The following MYO15B variants were observed in gnomAD, a reference collection of about 807,000 sequenced individuals.
MYO15B encodes the protein myosin XVB pseudogene.
MYO15B carries 207 observed loss-of-function variants against 119.3 expected under a neutral mutation model. That is an observed-to-expected ratio of 1.73 (90% CI 1.55 to 1.95). The LOEUF is 1.95. Among genes scored for constraint, MYO15B ranks in the 30% most tolerant of loss-of-function variants. The probability of loss-of-function intolerance (pLI) is 0.00; values close to 1 mark genes in which losing one functional copy is unlikely to be tolerated. For missense variants in MYO15B, 2,264 were observed against 1,203.1 expected (o/e 1.88, Z -13.04); for synonymous variants, 966 against 498.9 (o/e 1.94, Z -12.48).
At chr17:75,596,778 G>T in exon 14 of MYO15B, 1 of 699,328 alleles carries the variant, frequency 1.4e-6, no homozygotes, top group South Asian at 1.5e-5. Flanking sequence ...GAGGAGTGTC[G>T]GCGGGAGTTG....
exon 55 of MYO15B, chr17:75,624,005 C>A (rs571805284): frequency 1.6e-5 from 11 of 702,878 alleles, no homozygotes; most frequent in Non-Finnish European, 2.9e-5. Flanking sequence ...TTCTTCCCCC[C>A]GTCGACCAGG....
intron 19 of MYO15B, among the ~76,000 whole-genome samples, 184 bp downstream of exon 19, chr17:75,603,496 CTCT>C (rs1273566694): frequency 6.6e-6 from 1 of 152,244 alleles, no homozygotes; most frequent in African/African-American, 2.4e-5. Flanking sequence ...CCATCTCACT[CTCT>C]TCTACCATTC....
exon 23 of MYO15B, chr17:75,610,912 C>A (rs2057985348): frequency 1.4e-6 from 1 of 702,934 alleles, no homozygotes; most frequent in Admixed American, 2.0e-5. Context: ...TGGGCGTTGG[C>A]AGGGCTGGCA....
intron 53 of MYO15B, among the ~76,000 whole-genome samples, chr17:75,623,223 T>C (rs1344219946): frequency 1.3e-5 from 2 of 150,670 alleles, no homozygotes; most frequent in East Asian, 2.0e-4. Context: ...ACTCGGAAGG[T>C]TGAGGCAGGA....
At chr17:75,597,221 G>C (rs1200431231) in intron 14 of MYO15B, among the ~76,000 whole-genome samples, 3 of 152,218 alleles carry the variant, frequency 2.0e-5, no homozygotes, top group Admixed American at 2.0e-4. Flanking sequence ...GCTCATGAAG[G>C]GCTTCTGCAG....
At chr17:75,613,498 C>T in intron 28 of MYO15B, 27 bp downstream of exon 28, 1 of 666,698 alleles carries the variant, frequency 1.5e-6, no homozygotes, top group East Asian at 2.7e-5. Context: ...GCTGAGGCCT[C>T]CCAGGCCTGA....
exon 33 of MYO15B, chr17:75,615,012 A>G (rs781375065): frequency 1.4e-6 from 1 of 702,858 alleles, no homozygotes; most frequent in Non-Finnish European, 2.6e-6. Context: ...AGGGGGCGCC[A>G]TTGGGCCCAC....
At chr17:75,606,369 C>T (rs2147907902) in intron 21 of MYO15B, among the ~76,000 whole-genome samples, 2 of 151,122 alleles carry the variant, frequency 1.3e-5, no homozygotes, top group African/African-American at 4.9e-5. Flanking sequence ...GGCTGGAGTG[C>T]AGTGGCGCGA....
chr17:75,591,722 A>G lies in MYO15B; in HGVS notation c.2547+10A>G, dbSNP rs2056464955. On this transcript the variant is annotated intron_variant, in intron 5 of 63. Coordinates refer to ENST00000645453, the Ensembl canonical transcript of MYO15B. ...GAACCGAGAGTGTCAGGTGAGGGCC[A>G]GGCTGGAGGTACCTCATGGGTTGAG... 1 of 702,754 alleles carries G rather than the reference A, an allele frequency of 1.4e-6. No individual in the cohort carries two copies. The highest frequency in any genetic ancestry group is 2.6e-6 in the Non-Finnish European group (1 of 384,940). The allele number at this position is 702,754 out of a possible 1,614,324, so 43.5% of individuals were successfully genotyped here. A position where few individuals can be genotyped will look rare whatever the true frequency, so the allele number is the denominator to read the frequency against.
chr17:75,626,504 G>A, exon 64 of MYO15B: 1 of 703,106 alleles, frequency 1.4e-6, no homozygotes, highest in East Asian at 2.7e-5. Flanking sequence ...AGGCCGGGGA[G>A]AGAAGAGGAT....
chr17:75,616,240 G>T, intron 37 of MYO15B, 72 bp from the exon 38 acceptor site: 1 of 590,368 alleles, frequency 1.7e-6, no homozygotes, highest in Non-Finnish European at 3.0e-6. Flanking sequence ...GCTCCCCGGA[G>T]TTGGTGCGGC....
Position 75,624,033 on chromosome 17 carries a change from C to T in MYO15B, c.8241C>T (p.Thr2747=), listed in dbSNP as rs758961708. Residue 2747 remains threonine (T), a synonymous_variant, in exon 55 of 64, where the codon ACC becomes ACT. Transcript: ENST00000645453. ...CGACCAGGCTGATGCCCTACCTGAC[C>T]AAGTTTCTGCAGGATTCAGGCCCCA... is the stretch of plus-strand genomic sequence containing the variant. 63 of 703,006 alleles carry T rather than the reference C, an allele frequency of 9.0e-5. 1 individual carries two copies. In the South Asian group the frequency reaches 9.3e-4, roughly 10 times the overall value. The allele number at this position is 703,006 out of a possible 1,614,324, so 43.5% of individuals were successfully genotyped here. A position where few individuals can be genotyped will look rare whatever the true frequency, so the allele number is the denominator to read the frequency against.
exon 31 of MYO15B, chr17:75,614,599 C>T: frequency 1.4e-6 from 1 of 701,188 alleles, no homozygotes; most frequent in Non-Finnish European, 2.6e-6. Context: ...GGCCATTCCC[C>T]TTGCCCCTGG....
At chr17:75,600,097 C>T (rs1273150106) in intron 14 of MYO15B, among the ~76,000 whole-genome samples, 1 of 143,280 alleles carries the variant, frequency 7.0e-6, no homozygotes, top group Non-Finnish European at 1.5e-5. Context: ...GATCTCAGCT[C>T]ACTGCTGCAA....
intron 43 of MYO15B, 42 bp from the exon 44 acceptor site, chr17:75,619,101 C>G: frequency 4.3e-6 from 3 of 702,522 alleles, no homozygotes; most frequent in South Asian, 3.0e-5. Context: ...GGGGTGGGCT[C>G]TGTCTCAGGA....
chr17:75,598,540 A>AAAAAAG (rs2057030158), intron 14 of MYO15B, among the ~76,000 whole-genome samples: 2 of 142,948 alleles, frequency 1.4e-5, no homozygotes, highest in Admixed American at 7.1e-5. Context: ...AAAAAAAAAA[A>AAAAAAG]AAAAAAGAAA....
At chr17:75,619,036 G>T (rs2058545604) in intron 43 of MYO15B, 107 bp from the exon 44 acceptor site, 2 of 673,496 alleles carry the variant, frequency 3.0e-6, no homozygotes, top group Non-Finnish European at 5.4e-6. Context: ...GGGGGCCAGG[G>T]CGCCCTCCAT....
At chr17:75,613,126 G>A (rs1432664825) in exon 27 of MYO15B, 2 of 702,640 alleles carry the variant, frequency 2.8e-6, no homozygotes, top group Non-Finnish European at 5.2e-6. Context: ...CAGATGAACA[G>A]CAGAGCCAGC....
rs1568236545 is a variant in MYO15B, at chr17:75,624,697, G to A, written c.8542+58G>A. ...CACTCCCCTGCCCAGGGGTGAGGTGGTTTGGTTTCTGCTGGGGTGGCAGGG... is the reference window on the plus strand; with the variant it reads ...CACTCCCCTGCCCAGGGGTGAGGTGATTTGGTTTCTGCTGGGGTGGCAGGG... On this transcript the variant is annotated intron_variant, in intron 58 of 63. Transcript: ENST00000645453. 3 of 702,906 alleles carry A rather than the reference G, an allele frequency of 4.3e-6. No homozygotes were observed. In the East Asian group the frequency reaches 8.0e-5, roughly 19 times the overall value. 43.5% of individuals were successfully genotyped at this position (702,906 alleles called of 1,614,324 possible).
Sources: allele counts gnomAD v4.1 joint callset (sites outside exome capture counted in the v4.1 genomes callset), GRCh38; gene constraint gnomAD v4.1.1; transcripts MANE v1.5; gene names NCBI Gene and HGNC (gene_info 2026-07-23, HGNC 2026-07-21).